Variants in GPM6A observed in about 807,000 individuals in gnomAD.
The protein encoded by GPM6A is neuronal membrane glycoprotein M6-a.
In GPM6A, 7 loss-of-function variants were observed where a neutral mutation model predicts 32.1. That is an observed-to-expected ratio of 0.22 (90% CI 0.12 to 0.41). GPM6A has a LOEUF of 0.41. Among genes scored for constraint, GPM6A ranks in the 10% least tolerant of loss-of-function variants. The pLI is 1.00. For synonymous variants in GPM6A, 130 were observed against 123.4 expected, an observed-to-expected ratio of 1.05 and a Z score of -0.35; for missense variants, 235 against 347.2, an observed-to-expected ratio of 0.68 and a Z score of 2.57.
intron 4 of GPM6A, among the ~76,000 whole-genome samples, chr4:175,648,475 G>T (rs928766862): frequency 2.0e-5 from 3 of 152,132 alleles, no homozygotes; most frequent in Non-Finnish European, 4.4e-5. Context: ...ACAGTAAGCA[G>T]TTTGGGAAAA....
chr4:175,870,591 C>T (rs773175059), intron 1 of GPM6A, among the ~76,000 whole-genome samples: 1 of 152,114 alleles, frequency 6.6e-6, no homozygotes, highest in African/African-American at 2.4e-5. Context: ...CTATCTAGAA[C>T]CCTGAGAATT....
intron 1 of GPM6A, among the ~76,000 whole-genome samples, chr4:175,866,013 A>G (rs373567531): frequency 6.6e-6 from 1 of 152,204 alleles, no homozygotes; most frequent in East Asian, 1.9e-4. Context: ...TGCTATTACA[A>G]TTTATATGTT....
At chr4:175,771,967 G>A (rs947870709) in intron 1 of GPM6A, among the ~76,000 whole-genome samples, 6 of 152,046 alleles carry the variant, frequency 3.9e-5, no homozygotes, top group African/African-American at 9.7e-5. Flanking sequence ...TTCTTGATAC[G>A]AGAGGCCAAC....
intron 1 of GPM6A, among the ~76,000 whole-genome samples, chr4:176,001,059 G>A: frequency 6.6e-6 from 1 of 152,164 alleles, no homozygotes; most frequent in East Asian, 1.9e-4. Context: ...AACATTCATA[G>A]GCAAAAATGT....
At chr4:175,691,621 G>A (rs1431940182) in intron 2 of GPM6A, among the ~76,000 whole-genome samples, 1 of 152,170 alleles carries the variant, frequency 6.6e-6, no homozygotes, top group East Asian at 1.9e-4. Context: ...GACACATTCT[G>A]TCACTTGAAG....
intron 1 of GPM6A, among the ~76,000 whole-genome samples, chr4:175,963,768 G>C (rs1021891821): frequency 2.0e-5 from 3 of 152,088 alleles, no homozygotes; most frequent in African/African-American, 7.2e-5. Flanking sequence ...GCAGATAGCA[G>C]CTGGTTCAAA....
At chr4:175,662,886 T>TA (rs908538157) in intron 3 of GPM6A, among the ~76,000 whole-genome samples, 32 of 151,290 alleles carry the variant, frequency 2.1e-4, no homozygotes, top group South Asian at 8.4e-4. Flanking sequence ...ATAGAAAGTT[T>TA]AAAAAAAAAT....
chr4:175,895,927 T>C (rs1442429184), intron 1 of GPM6A, among the ~76,000 whole-genome samples: 2 of 152,206 alleles, frequency 1.3e-5, no homozygotes, highest in African/African-American at 2.4e-5. Flanking sequence ...TTATTATGTT[T>C]TCTATTACAT....
At chr4:175,960,216 A>T (rs1740123698) in intron 1 of GPM6A, among the ~76,000 whole-genome samples, 1 of 152,220 alleles carries the variant, frequency 6.6e-6, no homozygotes, top group Non-Finnish European at 1.5e-5. Context: ...TAAACTTGAC[A>T]TACTTGGAGT....
intron 6 of GPM6A, among the ~76,000 whole-genome samples, chr4:175,637,166 T>C (rs1370765430): frequency 1.2e-5 from 1 of 80,704 alleles, no homozygotes; most frequent in Non-Finnish European, 2.2e-5. Flanking sequence ...TCACATATAA[T>C]ATATCATATA....
chr4:175,711,526 T>C (rs938388883), intron 1 of GPM6A, among the ~76,000 whole-genome samples: 9 of 145,418 alleles, frequency 6.2e-5, no homozygotes, highest in African/African-American at 2.3e-4. Flanking sequence ...AATACATATA[T>C]GTATGTATAT....
chr4:175,821,058 T>C (rs993268271), intron 1 of GPM6A, among the ~76,000 whole-genome samples: 1 of 152,204 alleles, frequency 6.6e-6, no homozygotes, highest in Non-Finnish European at 1.5e-5. Context: ...TTCAATAATA[T>C]GTGTGTTAAA....
chr4:175,995,484 G>C (rs1333525525), intron 1 of GPM6A, among the ~76,000 whole-genome samples: 1 of 151,894 alleles, frequency 6.6e-6, no homozygotes, highest in African/African-American at 2.4e-5. Flanking sequence ...ACAAGTGAAG[G>C]AATAACAGCT....
chr4:175,670,679 C>T (rs375769582), intron 3 of GPM6A, among the ~76,000 whole-genome samples: 2 of 151,954 alleles, frequency 1.3e-5, no homozygotes, highest in African/African-American at 2.4e-5. Context: ...TGTGGTTTTA[C>T]GTGCCTCAAA....
intron 1 of GPM6A, among the ~76,000 whole-genome samples, chr4:175,926,905 C>G (rs908538958): frequency 1.3e-5 from 2 of 152,092 alleles, no homozygotes; most frequent in Non-Finnish European, 2.9e-5. Context: ...TATGCAGAAG[C>G]TTATTTAGTC....
chr4:175,797,554 TC>T (rs957695342), intron 1 of GPM6A, among the ~76,000 whole-genome samples: 1 of 152,094 alleles, frequency 6.6e-6, no homozygotes, highest in African/African-American at 2.4e-5. Flanking sequence ...TCAATCAATT[TC>T]CCCCATCATC....
At chr4:175,790,183 CA>C (rs1733180913) in intron 1 of GPM6A, 1 of 152,056 alleles carries the variant, frequency 6.6e-6, no homozygotes, top group Non-Finnish European at 1.5e-5. Context: ...ATTATCTACA[CA>C]GTTTTTTATT....
intron 1 of GPM6A, among the ~76,000 whole-genome samples, chr4:175,913,163 T>G (rs1305785284): frequency 1.3e-5 from 2 of 152,206 alleles, no homozygotes; most frequent in Non-Finnish European, 2.9e-5. Context: ...CTGGTGTCAT[T>G]TCAAGTTGAC....
intron 1 of GPM6A, among the ~76,000 whole-genome samples, chr4:175,849,673 T>C (rs1158886549): frequency 6.6e-6 from 1 of 152,242 alleles, no homozygotes; most frequent in Non-Finnish European, 1.5e-5. Flanking sequence ...GCCAATCTTA[T>C]AACTTTTATT....
Sources: gnomAD v4.1 joint callset for allele counts (sites outside exome capture counted in the v4.1 genomes callset) on GRCh38, gnomAD v4.1.1 for gene constraint, MANE v1.5 for transcripts, NCBI Gene and HGNC (gene_info 2026-07-23, HGNC 2026-07-21) for gene names.